The following CSE1L variants were observed in gnomAD, a reference collection of about 807,000 sequenced individuals.
The protein encoded by CSE1L is chromosome segregation 1 like.
In CSE1L, 24 loss-of-function variants were observed where a neutral mutation model predicts 120.4. The ratio of observed to expected loss-of-function variants is 0.20; its 90% CI spans 0.14 to 0.28. The LOEUF (loss-of-function observed/expected upper bound fraction) is 0.28. CSE1L is among the 10% of genes least tolerant of loss of function. The probability of loss-of-function intolerance (pLI) is 1.00; values close to 1 mark genes in which losing one functional copy is unlikely to be tolerated. For missense variants in CSE1L, 830 were observed against 1,145.2 expected, an observed-to-expected ratio of 0.72 and a Z score of 3.97; for synonymous variants, 402 against 398.3, an observed-to-expected ratio of 1.01 and a Z score of -0.11.
chr20:49,046,682 A>G (rs1047889350), intron 1 of CSE1L, among the ~76,000 whole-genome samples: 4 of 152,342 alleles, frequency 2.6e-5, no homozygotes, highest in East Asian at 3.9e-4. Context: ...GCTGAGGGCA[A>G]CTGAGGCGCG....
intron 1 of CSE1L, among the ~76,000 whole-genome samples, chr20:49,057,544 C>T (rs2091818528): frequency 6.6e-6 from 1 of 151,700 alleles, no homozygotes; most frequent in African/African-American, 2.4e-5. Flanking sequence ...ACCTCTGCCC[C>T]CAGGCTCAAG....
chr20:49,089,509 C>T, intron 18 of CSE1L, 29 bp from the exon 19 acceptor site: 1 of 1,611,224 alleles, frequency 6.2e-7, no homozygotes, highest in South Asian at 1.1e-5. Flanking sequence ...TTCTGAAGCT[C>T]ACAGCTCTGT....
At position 49,074,862 on chromosome 20, in the gene CSE1L, G is replaced by C; in HGVS notation, c.1132+12G>C. 6.2e-7 allele frequency: 1 copy of C among 1,604,746 alleles called. No individual in the cohort carries two copies. The highest frequency in any genetic ancestry group is 8.5e-7 in the Non-Finnish European group (1 of 1,175,700). On this transcript the variant is annotated intron_variant, in intron 11 of 24. Coordinates refer to ENST00000262982, the MANE Select transcript of CSE1L (RefSeq NM_001316.4). ...TTTGGAAGGATCTGGTGTGTATCTT[G>C]GTTTTTTAGTTACTAGTCTCTTAGC... is the stretch of plus-strand genomic sequence containing the variant.
intron 2 of CSE1L, among the ~76,000 whole-genome samples, chr20:49,061,293 C>A (rs191068326): frequency 1.4e-4 from 21 of 149,120 alleles, no homozygotes; most frequent in African/African-American, 5.2e-4. Context: ...CTGCCTCAGC[C>A]TCCTGAGTAG....
At chr20:49,062,782 T>C (rs1489672088) in intron 2 of CSE1L, among the ~76,000 whole-genome samples, 1 of 151,910 alleles carries the variant, frequency 6.6e-6, no homozygotes, top group Non-Finnish European at 1.5e-5. Context: ...AATAATATAT[T>C]AGGATGAATT....
At chr20:49,079,681 T>G (rs2091995721) in intron 14 of CSE1L, among the ~76,000 whole-genome samples, 1 of 152,116 alleles carries the variant, frequency 6.6e-6, no homozygotes, top group Non-Finnish European at 1.5e-5. Flanking sequence ...GATGAATACT[T>G]AGGTCCCACA....
intron 7 of CSE1L, among the ~76,000 whole-genome samples, chr20:49,069,954 C>T (rs1274397492): frequency 6.6e-6 from 1 of 152,184 alleles, no homozygotes; most frequent in Non-Finnish European, 1.5e-5. Flanking sequence ...CTTAGCTGAA[C>T]CTTGAAGGAA....
chr20:49,049,529 CT>C (rs1017405083), intron 1 of CSE1L, among the ~76,000 whole-genome samples: 7 of 152,044 alleles, frequency 4.6e-5, no homozygotes, highest in Non-Finnish European at 7.3e-5. Flanking sequence ...ATCAGTAACA[CT>C]TTTTGCATTT....
chr20:49,094,248 A>T lies in CSE1L; in HGVS notation c.2556A>T (p.Glu852Asp). The change falls in exon 23 of 25, where the codon GAA (glutamate) becomes GAT (aspartate). Residue 852 changes from glutamate (E) to aspartate (D), a missense_variant. Transcript: ENST00000262982. ...CAVGITKLLT[E>D]CPPMMDTEYT... is the part of the protein sequence containing the mutation. The stretch of plus-strand genomic sequence containing the variant: ...TTGGCATAACCAAATTACTAACAGA[A>T]TGTCCCCCAATGATGGACACTGAGT... 6.2e-7 allele frequency: 1 copy of T among 1,613,292 alleles called. No homozygotes were observed.
intron 15 of CSE1L, among the ~76,000 whole-genome samples, chr20:49,084,444 A>G (rs572136489): frequency 6.6e-6 from 1 of 152,330 alleles, no homozygotes; most frequent in South Asian, 2.1e-4. Flanking sequence ...AAGAAACTCC[A>G]AATTTTATTT....
chr20:49,059,124 C>G (rs1318748001), intron 2 of CSE1L, among the ~76,000 whole-genome samples: 3 of 149,508 alleles, frequency 2.0e-5, no homozygotes, highest in Non-Finnish European at 3.0e-5. Context: ...GAGCAAGACT[C>G]CGTCTCAAAA....
chr20:49,078,419 C>G (rs2091985354), intron 13 of CSE1L, 142 bp from the exon 14 acceptor site: 1 of 563,490 alleles, frequency 1.8e-6, no homozygotes, highest in South Asian at 2.2e-5. Context: ...AAATTAATGA[C>G]TAAATAGTAA....
At chr20:49,091,521 TCCAG>T (rs2092100859) in intron 21 of CSE1L, among the ~76,000 whole-genome samples, 1 of 146,898 alleles carries the variant, frequency 6.8e-6, no homozygotes, top group Non-Finnish European at 1.5e-5. Context: ...ATTCCTTGAG[TCCAG>T]GAGTTAACGA....
intron 1 of CSE1L, among the ~76,000 whole-genome samples, chr20:49,056,129 G>T (rs1468966581): frequency 6.7e-6 from 1 of 150,030 alleles, no homozygotes; most frequent in African/African-American, 2.5e-5. Flanking sequence ...TTTTTTTGGA[G>T]ACAAAGTCTC....
At chr20:49,060,790 T>A (rs1026133707) in intron 2 of CSE1L, among the ~76,000 whole-genome samples, 3 of 146,634 alleles carry the variant, frequency 2.0e-5, no homozygotes, top group Non-Finnish European at 4.5e-5. Flanking sequence ...AAAAAAAAAA[T>A]TGAAATACAG....
At chr20:49,069,526 A>G (rs1193943516) in intron 7 of CSE1L, among the ~76,000 whole-genome samples, 1 of 152,228 alleles carries the variant, frequency 6.6e-6, no homozygotes, top group African/African-American at 2.4e-5. Context: ...GAATAAACTC[A>G]TAGTGGTAGG....
intron 1 of CSE1L, among the ~76,000 whole-genome samples, chr20:49,051,266 C>T (rs992660393): frequency 6.6e-6 from 1 of 152,346 alleles, no homozygotes; most frequent in East Asian, 1.9e-4. Flanking sequence ...TCCTTCCAGG[C>T]CGGGCACGGT....
chr20:49,064,528 A>C (rs760258668), intron 3 of CSE1L, among the ~76,000 whole-genome samples: 1 of 152,064 alleles, frequency 6.6e-6, no homozygotes, highest in South Asian at 2.1e-4. Flanking sequence ...TGGGCAATAA[A>C]GTGAGATCCC....
At chr20:49,067,428 T>C (rs566990671) in intron 6 of CSE1L, 148 bp downstream of exon 6, 64 of 525,848 alleles carry the variant, frequency 1.2e-4, no homozygotes, top group African/African-American at 1.0e-3. Context: ...TACACAGAAA[T>C]AGAGATGCTA....
Sources: gnomAD v4.1 joint callset for allele counts (sites outside exome capture counted in the v4.1 genomes callset) on GRCh38, gnomAD v4.1.1 for gene constraint, MANE v1.5 for transcripts, NCBI Gene and HGNC (gene_info 2026-07-23, HGNC 2026-07-21) for gene names.